Variants in TBC1D5 observed in about 807,000 individuals in gnomAD.
The protein encoded by TBC1D5 is TBC1 domain family, member 5.
A neutral mutation model predicts 100.3 loss-of-function variants in TBC1D5; 75 were observed. The ratio of observed to expected loss-of-function variants is 0.75; its 90% confidence interval spans 0.62 to 0.91. TBC1D5 has a LOEUF of 0.91. TBC1D5 is among the 40% of genes least tolerant of loss of function. TBC1D5 has a pLI of 0.00. For missense variants in TBC1D5, 910 were observed against 942.4 expected (o/e 0.97, Z 0.45); for synonymous variants, 323 against 325.6 (o/e 0.99, Z 0.09).
chr3:17,702,958 A>G (rs2073418522), intron 1 of TBC1D5, among the ~76,000 whole-genome samples: 1 of 152,162 alleles, frequency 6.6e-6, no homozygotes, highest in African/African-American at 2.4e-5. Flanking sequence ...AAACTAGACC[A>G]TAGCTATATT....
chr3:17,419,453 G>A (rs1252572719), intron 4 of TBC1D5, among the ~76,000 whole-genome samples: 2 of 152,144 alleles, frequency 1.3e-5, no homozygotes, highest in Non-Finnish European at 2.9e-5. Context: ...TATCTTTGGA[G>A]AATCTCTGTG....
At chr3:17,538,382 G>A (rs2096307556) in intron 2 of TBC1D5, among the ~76,000 whole-genome samples, 1 of 152,214 alleles carries the variant, frequency 6.6e-6, no homozygotes, top group South Asian at 2.1e-4. Flanking sequence ...CGACAGGTAA[G>A]GGAAAAACTC....
chr3:17,439,924 T>TCA (rs2094614149), intron 3 of TBC1D5, among the ~76,000 whole-genome samples: 1 of 152,200 alleles, frequency 6.6e-6, no homozygotes, highest in Non-Finnish European at 1.5e-5. Context: ...AGACAAACTG[T>TCA]AAATGGGCCC....
chr3:17,361,606 T>A (rs2091718440), intron 13 of TBC1D5, among the ~76,000 whole-genome samples: 1 of 151,846 alleles, frequency 6.6e-6, no homozygotes, highest in Admixed American at 6.6e-5. Context: ...TCAGAATAAT[T>A]CCCCAATATT....
chr3:17,715,625 A>G (rs1174921743), intron 1 of TBC1D5, among the ~76,000 whole-genome samples: 1 of 152,110 alleles, frequency 6.6e-6, no homozygotes, highest in African/African-American at 2.4e-5. Flanking sequence ...TGGGCAACAG[A>G]GCAACATTCC....
intron 1 of TBC1D5, among the ~76,000 whole-genome samples, chr3:17,712,034 GCAAA>G (rs1474501964): frequency 6.6e-6 from 1 of 152,254 alleles, no homozygotes; most frequent in Non-Finnish European, 1.5e-5. Context: ...TCACAGACAA[GCAAA>G]CAAATTCACA....
chr3:17,562,529 G>C (rs78142796), intron 2 of TBC1D5, among the ~76,000 whole-genome samples: 2 of 146,040 alleles, frequency 1.4e-5, no homozygotes, highest in Non-Finnish European at 3.0e-5. Context: ...AAAAAAAAAA[G>C]AAAGAAAGAT....
chr3:17,524,302 A>G (rs1276867035), intron 2 of TBC1D5, among the ~76,000 whole-genome samples: 1 of 152,240 alleles, frequency 6.6e-6, no homozygotes, highest in East Asian at 1.9e-4. Context: ...ATTTGAAGAA[A>G]TAGGCATTTT....
At chr3:17,359,449 A>T (rs1385503484) in intron 13 of TBC1D5, among the ~76,000 whole-genome samples, 1 of 152,080 alleles carries the variant, frequency 6.6e-6, no homozygotes, top group Non-Finnish European at 1.5e-5. Context: ...TCTGTCCTTA[A>T]AGTAACTTTA....
intron 3 of TBC1D5, among the ~76,000 whole-genome samples, chr3:17,455,429 T>C (rs2095052584): frequency 6.9e-6 from 1 of 144,604 alleles, no homozygotes; most frequent in Admixed American, 6.8e-5. Context: ...TATATATGTG[T>C]GTATGTGTGT....
chr3:17,338,921 C>T (rs113044840), intron 13 of TBC1D5, among the ~76,000 whole-genome samples: 1 of 152,156 alleles, frequency 6.6e-6, no homozygotes, highest in African/African-American at 2.4e-5. Flanking sequence ...AGATTTCTAT[C>T]CCTGCCTTAA....
intron 3 of TBC1D5, among the ~76,000 whole-genome samples, chr3:17,430,674 T>G (rs977608665): frequency 4.0e-5 from 6 of 151,896 alleles, no homozygotes; most frequent in Non-Finnish European, 7.4e-5. Context: ...AATCCTCTAG[T>G]TGAAATTAAT....
At chr3:17,331,828 A>G (rs73145818) in intron 13 of TBC1D5, among the ~76,000 whole-genome samples, 13,633 of 152,258 alleles carry the variant, frequency 0.09, 1,385 homozygotes, top group African/African-American at 0.25. Context: ...AGCATGTACA[A>G]AGGCTCCATG....
intron 3 of TBC1D5, among the ~76,000 whole-genome samples, chr3:17,475,718 G>T (rs749828651): frequency 1.3e-5 from 2 of 152,072 alleles, no homozygotes; most frequent in African/African-American, 2.4e-5. Flanking sequence ...TACACATTTG[G>T]ACTGTTTCCA....
At chr3:17,238,464 G>A in intron 16 of TBC1D5, 45 bp from the exon 17 acceptor site, 2 of 1,567,326 alleles carry the variant, frequency 1.3e-6, no homozygotes, top group Non-Finnish European at 1.7e-6. Flanking sequence ...ATTAGAGGAT[G>A]ATTCTATTTC....
At chr3:17,269,799 T>A (rs558543176) in intron 15 of TBC1D5, among the ~76,000 whole-genome samples, 51 of 151,372 alleles carry the variant, frequency 3.4e-4, no homozygotes, top group African/African-American at 1.1e-3. Context: ...TCCAGCTACA[T>A]CTATGTTGCT....
intron 2 of TBC1D5, among the ~76,000 whole-genome samples, chr3:17,531,925 G>A (rs1436966411): frequency 3.3e-5 from 5 of 152,092 alleles, no homozygotes; most frequent in Non-Finnish European, 4.4e-5. Context: ...ATAGGCATGG[G>A]CAAGGACTTC....
intron 15 of TBC1D5, 136 bp from the exon 16 acceptor site, chr3:17,258,727 G>A (rs2077989163): frequency 5.5e-6 from 3 of 546,454 alleles, no homozygotes; most frequent in Non-Finnish European, 2.9e-6. Flanking sequence ...AGTGTGATTG[G>A]GTTTTGCTTT....
intron 1 of TBC1D5, among the ~76,000 whole-genome samples, chr3:17,626,335 C>T (rs1353830544): frequency 6.6e-6 from 1 of 152,100 alleles, no homozygotes; most frequent in Admixed American, 6.6e-5. Context: ...CCATACCTTT[C>T]TTGTTTAACT....
Sources: allele counts gnomAD v4.1 joint callset (sites outside exome capture counted in the v4.1 genomes callset), GRCh38; gene constraint gnomAD v4.1.1; transcripts MANE v1.5; gene names NCBI Gene and HGNC (gene_info 2026-07-23, HGNC 2026-07-21).